Variants in PTPRE observed in about 807,000 individuals in gnomAD.
The protein encoded by PTPRE is receptor-type tyrosine-protein phosphatase epsilon.
PTPRE carries 51 observed loss-of-function variants against 102.0 expected under a neutral mutation model. The ratio of observed to expected loss-of-function variants is 0.50; its 90% CI spans 0.40 to 0.63. PTPRE has a LOEUF of 0.63. PTPRE is among the 30% of genes least tolerant of loss of function. The pLI, the probability that PTPRE is intolerant of heterozygous loss-of-function variation, is 0.00. For missense variants in PTPRE, 752 were observed against 915.1 expected, an observed-to-expected ratio of 0.82 and a Z score of 2.30; for synonymous variants, 345 against 348.2, an observed-to-expected ratio of 0.99 and a Z score of 0.10.
intron 2 of PTPRE, among the ~76,000 whole-genome samples, chr10:128,003,617 TGGCAGTTCACGCGCG>T (rs1246559338): frequency 1.3e-5 from 2 of 152,202 alleles, no homozygotes; most frequent in Non-Finnish European, 2.9e-5. Context: ...CATGCATTTG[TGGCAGTTCACGCGCG>T]GACATCAGGC....
intron 3 of PTPRE, among the ~76,000 whole-genome samples, chr10:128,042,658 C>G (rs1183399817): frequency 1.3e-5 from 2 of 152,164 alleles, no homozygotes; most frequent in African/African-American, 4.8e-5. Flanking sequence ...CATCTGACCC[C>G]TGGAAGAAGT....
chr10:128,054,556 G>A (rs1331531228), intron 6 of PTPRE, among the ~76,000 whole-genome samples: 1 of 151,962 alleles, frequency 6.6e-6, no homozygotes, highest in African/African-American at 2.4e-5. Context: ...CCGCCAGACA[G>A]GTCCCTCCAC....
At chr10:127,923,612 C>T (rs1198188985) in intron 1 of PTPRE, among the ~76,000 whole-genome samples, 1 of 152,062 alleles carries the variant, frequency 6.6e-6, no homozygotes, top group Non-Finnish European at 1.5e-5. Context: ...CCACGTTGGT[C>T]AGGCTGGTCT....
chr10:127,931,718 C>T (rs141115888), intron 1 of PTPRE, among the ~76,000 whole-genome samples: 1 of 152,240 alleles, frequency 6.6e-6, no homozygotes, highest in East Asian at 1.9e-4. Context: ...AATGACCCCA[C>T]TCCACCTTAG....
At chr10:127,978,275 A>G (rs570808855) in intron 1 of PTPRE, among the ~76,000 whole-genome samples, 10 of 152,244 alleles carry the variant, frequency 6.6e-5, no homozygotes, top group Non-Finnish European at 1.5e-4. Context: ...ATAGTGGCTC[A>G]CGCCTGTAAT....
intron 2 of PTPRE, among the ~76,000 whole-genome samples, chr10:128,021,527 G>T (rs1157842031): frequency 2.0e-5 from 3 of 152,230 alleles, no homozygotes; most frequent in Non-Finnish European, 4.4e-5. Context: ...CCCAGAACAT[G>T]AGCTCTCAGA....
rs1003318365 is a variant in PTPRE, at chr10:128,076,482, T to G, written c.1600-121T>G. The G allele has an allele frequency of 4.1e-5, 42 of 1,015,464 alleles. 1 individual carries two copies. The highest frequency in any genetic ancestry group is 5.2e-5 in the Non-Finnish European group (38 of 730,014). The allele number at this position is 1,015,464 out of a possible 1,614,324, so 62.9% of individuals were successfully genotyped here. A position where few individuals can be genotyped will look rare whatever the true frequency, so the allele number is the denominator to read the frequency against. ...GGCATTTATATTCATATTCATATGT[T>G]TTTTTTTTTGGTCAGATGAAATACA... On this transcript the variant is annotated intron_variant, in intron 17 of 20. Coordinates refer to ENST00000254667, the MANE Select transcript of PTPRE (RefSeq NM_006504.6).
intron 2 of PTPRE, among the ~76,000 whole-genome samples, chr10:128,000,136 A>G (rs1467234267): frequency 6.6e-6 from 1 of 151,774 alleles, no homozygotes; most frequent in Admixed American, 6.6e-5. Context: ...TTCCTTGTCA[A>G]CTCTGCTTGA....
intron 1 of PTPRE, among the ~76,000 whole-genome samples, chr10:127,926,494 T>C (rs988907401): frequency 3.3e-5 from 5 of 152,184 alleles, no homozygotes; most frequent in Admixed American, 6.5e-5. Flanking sequence ...TTTGAGACTA[T>C]ATATAGTGGA....
chr10:127,925,952 A>G (rs982844786), intron 1 of PTPRE, among the ~76,000 whole-genome samples: 1 of 152,250 alleles, frequency 6.6e-6, no homozygotes, highest in African/African-American at 2.4e-5. Flanking sequence ...GTATTACAGT[A>G]TTAACATACT....
rs1396212599 is a variant in PTPRE at position 127,999,481 on chromosome 10, G to C, written c.-8+17185G>C. 4 of 959,068 alleles carry C rather than the reference G, an allele frequency of 4.2e-6. No homozygotes were observed. The African/African-American group carries it at 7.1e-5, about 17-fold the overall frequency. 59.4% of individuals were successfully genotyped at this position (959,068 alleles called of 1,614,324 possible). ...TGGGCTGTGAATCCAACTCGTCCTGGGAGCAGGGCGCTCTCGCCTTCTGTT... is the reference window on the plus strand; with the variant it reads ...TGGGCTGTGAATCCAACTCGTCCTGCGAGCAGGGCGCTCTCGCCTTCTGTT... On this transcript the variant is annotated intron_variant, in intron 2 of 20. Transcript: ENST00000254667.
chr10:128,065,765 C>G (rs1850028266), intron 10 of PTPRE, among the ~76,000 whole-genome samples: 1 of 152,278 alleles, frequency 6.6e-6, no homozygotes, highest in East Asian at 1.9e-4. Flanking sequence ...GCTACAGGCT[C>G]AGCATAACTG....
intron 2 of PTPRE, among the ~76,000 whole-genome samples, chr10:128,011,166 G>A (rs979994687): frequency 2.6e-5 from 4 of 152,154 alleles, no homozygotes; most frequent in African/African-American, 9.7e-5. Flanking sequence ...AAGTCCATTT[G>A]GGTGTTAAAT....
intron 1 of PTPRE, among the ~76,000 whole-genome samples, chr10:127,927,229 T>C (rs535959552): frequency 6.6e-6 from 1 of 152,290 alleles, no homozygotes; most frequent in South Asian, 2.1e-4. Flanking sequence ...ATTAGGGAGA[T>C]AGCATGTTGA....
intron 1 of PTPRE, among the ~76,000 whole-genome samples, chr10:127,951,435 A>C (rs1267727972): frequency 6.6e-6 from 1 of 152,228 alleles, no homozygotes; most frequent in African/African-American, 2.4e-5. Flanking sequence ...ACTACTGGAC[A>C]CTGGCTCTGA....
chr10:128,002,742 A>G (rs1243174558), intron 2 of PTPRE, among the ~76,000 whole-genome samples: 4 of 106,958 alleles, frequency 3.7e-5, no homozygotes, highest in African/African-American at 1.5e-4. Context: ...TTGCTATGTT[A>G]CCCAGGCTGG....
At chr10:127,991,038 A>G (rs1038744596) in intron 2 of PTPRE, among the ~76,000 whole-genome samples, 1 of 152,194 alleles carries the variant, frequency 6.6e-6, no homozygotes, top group African/African-American at 2.4e-5. Flanking sequence ...TTATGTTGCT[A>G]GAAGAAGTGA....
intron 2 of PTPRE, among the ~76,000 whole-genome samples, chr10:128,002,531 G>T (rs1482539114): frequency 2.0e-5 from 3 of 152,058 alleles, no homozygotes; most frequent in African/African-American, 7.2e-5. Context: ...ATACCAGAAG[G>T]ATGGATACAG....
chr10:127,987,719 C>T (rs1423048953), intron 2 of PTPRE, among the ~76,000 whole-genome samples: 1 of 152,232 alleles, frequency 6.6e-6, no homozygotes, highest in Non-Finnish European at 1.5e-5. Context: ...TTTAGAAAAA[C>T]AGTCCCTAAC....
Sources: gnomAD v4.1 joint callset for allele counts (sites outside exome capture counted in the v4.1 genomes callset) on GRCh38, gnomAD v4.1.1 for gene constraint, MANE v1.5 for transcripts, NCBI Gene and HGNC (gene_info 2026-07-23, HGNC 2026-07-21) for gene names.